Variants in IQSEC1 observed in about 807,000 individuals in gnomAD.
IQSEC1 encodes the protein IQ motif and SEC7 domain-containing protein 1.
A neutral mutation model predicts 91.0 loss-of-function variants in IQSEC1; 31 were observed. The observed-to-expected ratio is 0.34, with a 90% CI of 0.26 to 0.46. The LOEUF is 0.46. Ranked by LOEUF, IQSEC1 falls within the 20% of genes least tolerant of loss-of-function variation. The probability of loss-of-function intolerance (pLI) is 1.00; values close to 1 mark genes in which losing one functional copy is unlikely to be tolerated. For missense variants in IQSEC1, 1,388 were observed against 1,575.6 expected (o/e 0.88, Z 2.02); for synonymous variants, 699 against 662.6 (o/e 1.05, Z -0.84).
At chr3:13,020,706 A>G (rs1703358983) in intron 1 of IQSEC1, among the ~76,000 whole-genome samples, 1 of 152,112 alleles carries the variant, frequency 6.6e-6, no homozygotes, top group Admixed American at 6.5e-5. Context: ...TGTGTTGCTC[A>G]GGCTGGAGTG....
intron 2 of IQSEC1, among the ~76,000 whole-genome samples, chr3:13,148,850 G>A (rs1247246678): frequency 6.6e-6 from 1 of 152,402 alleles, no homozygotes; most frequent in South Asian, 2.1e-4. Context: ...AAGGGGCTGA[G>A]AATGCAGCCC....
chr3:13,056,454 T>C (rs1254948379), intron 1 of IQSEC1, among the ~76,000 whole-genome samples: 46 of 152,042 alleles, frequency 3.0e-4, no homozygotes, highest in Non-Finnish European at 2.9e-5. Flanking sequence ...ACCCTTCAGG[T>C]GCTGACAGGA....
At position 12,898,541 on chromosome 3, in the gene IQSEC1, A is replaced by G. The variant is rs1008677007; in HGVS notation, c.*2442T>C. 1 of 152,016 alleles carries G rather than the reference A, an allele frequency of 6.6e-6. No homozygotes were observed. Among genetic ancestry groups the G allele is most frequent in the Non-Finnish European group, 1.5e-5 (1 of 67,992 alleles). The allele number at this position is 152,016 out of a possible 1,614,324, so 9.4% of individuals were successfully genotyped here. On this transcript the variant is annotated 3_prime_UTR_variant, in exon 14 of 14. Coordinates refer to ENST00000613206, the MANE Select transcript of IQSEC1 (RefSeq NM_001134382.3). Reference sequence around the variant, plus strand: ...TTGCAGGATGGCGATGGAGAGGGAGAGTTTCCTGAAAGCCCCTCCTGGGGT... The same window carrying G: ...TTGCAGGATGGCGATGGAGAGGGAGGGTTTCCTGAAAGCCCCTCCTGGGGT...
chr3:12,925,152 C>T (rs1219742736), intron 3 of IQSEC1, among the ~76,000 whole-genome samples: 3 of 152,196 alleles, frequency 2.0e-5, no homozygotes, highest in Non-Finnish European at 2.9e-5. Flanking sequence ...CCCAAACTCC[C>T]GCACACACAT....
At chr3:13,110,424 A>C (rs1297679142) in intron 2 of IQSEC1, among the ~76,000 whole-genome samples, 1 of 151,976 alleles carries the variant, frequency 6.6e-6, no homozygotes, top group Non-Finnish European at 1.5e-5. Flanking sequence ...TCCCGTCTCT[A>C]CTAAAAATAC....
chr3:13,106,239 G>C (rs934293533), intron 2 of IQSEC1, among the ~76,000 whole-genome samples: 1 of 152,038 alleles, frequency 6.6e-6, no homozygotes, highest in East Asian at 1.9e-4. Flanking sequence ...AAGCCTCCCC[G>C]TTTCCCCTCC....
intron 1 of IQSEC1, among the ~76,000 whole-genome samples, chr3:13,205,152 G>T (rs1694320791): frequency 2.0e-5 from 3 of 152,034 alleles, no homozygotes; most frequent in African/African-American, 7.3e-5. Flanking sequence ...GTGCTGACTT[G>T]GTACTGCTAC....
intron 1 of IQSEC1, among the ~76,000 whole-genome samples, chr3:13,046,677 C>T (rs1358822478): frequency 6.6e-6 from 1 of 152,228 alleles, no homozygotes; most frequent in African/African-American, 2.4e-5. Context: ...GGCCCGGCCA[C>T]ATCCACCCTC....
In IQSEC1 at chr3:12,924,815, C is replaced by G. The variant is rs943196768; in HGVS notation, c.1569-73G>C. On this transcript the variant is annotated intron_variant, in intron 3 of 13. Transcript: ENST00000613206. This position sits in a 1 kb window ranked among gnomAD's most constrained non-coding sequence, Gnocchi z 6.3. ...GCCAGGCACCTGGAGGGGATCTCCGCTCAGTGGACGGTCGACATTCTCCCT... is the reference window on the plus strand; with the variant it reads ...GCCAGGCACCTGGAGGGGATCTCCGGTCAGTGGACGGTCGACATTCTCCCT... 10 of 1,402,120 alleles carry G rather than the reference C, an allele frequency of 7.1e-6. No homozygotes were observed. The African/African-American group carries it at 1.5e-4, about 20-fold the overall frequency. 86.9% of individuals were successfully genotyped at this position (1,402,120 alleles called of 1,614,324 possible). A position where few individuals can be genotyped will look rare whatever the true frequency, so the allele number is the denominator to read the frequency against.
At chr3:13,232,358 C>T (rs767864407) in intron 1 of IQSEC1, among the ~76,000 whole-genome samples, 1 of 152,236 alleles carries the variant, frequency 6.6e-6, no homozygotes, top group Non-Finnish European at 1.5e-5. Flanking sequence ...GAAGGGGGTC[C>T]ACTGCCCCCA....
intron 1 of IQSEC1, among the ~76,000 whole-genome samples, chr3:13,172,263 G>T (rs1420540198): frequency 6.6e-6 from 1 of 152,240 alleles, no homozygotes; most frequent in African/African-American, 2.4e-5. Context: ...TTTGCGGCTG[G>T]GGAGTAGATG....
chr3:13,052,974 C>A, intron 1 of IQSEC1: 2 of 1,172,056 alleles, frequency 1.7e-6, no homozygotes, highest in Non-Finnish European at 1.3e-6. Flanking sequence ...TCTTTATAGA[C>A]CCAGCTTGGT....
intron 5 of IQSEC1, among the ~76,000 whole-genome samples, chr3:12,920,994 A>G (rs189517681): frequency 1.3e-5 from 2 of 152,262 alleles, no homozygotes; most frequent in East Asian, 1.9e-4. Flanking sequence ...TTGAGGTGAA[A>G]GCAGCCAGGG....
chr3:13,167,576 G>A (rs570559529), intron 1 of IQSEC1, among the ~76,000 whole-genome samples: 7 of 152,262 alleles, frequency 4.6e-5, no homozygotes, highest in African/African-American at 1.2e-4. Flanking sequence ...ACAGGTGGAC[G>A]TCAGCCTGGT....
chr3:12,899,242 C>T lies in IQSEC1; in HGVS notation c.*1741G>A. The T allele has an allele frequency of 1.2e-6, 1 of 859,150 alleles. No individual in the cohort carries two copies. Among genetic ancestry groups the T allele is most frequent in the South Asian group, 1.7e-5 (1 of 57,712 alleles). The allele number at this position is 859,150 out of a possible 1,614,324, so 53.2% of individuals were successfully genotyped here. On this transcript the variant is annotated 3_prime_UTR_variant, in exon 14 of 14. Transcript: ENST00000613206. ...GTGACACACAGCCAGAGGGGGCTCC[C>T]CTCTCCTCCTGCCGTCCGGCCACGG...
rs564610801 is a variant in IQSEC1, at chr3:12,927,530, C to T, written c.1569-2788G>A. 3.9e-5 allele frequency among the ~76,000 whole-genome samples: 6 copies of T among 152,356 alleles called. No homozygotes were observed. The East Asian group carries it at 9.7e-4, about 25-fold the overall frequency. On this transcript the variant is annotated intron_variant, in intron 3 of 13. Coordinates refer to ENST00000613206, the MANE Select transcript of IQSEC1 (RefSeq NM_001134382.3). The stretch of plus-strand genomic sequence containing the variant: ...ACCAGGTCCAGGCCCAGCCGGGTCC[C>T]GCCTTCTGCCGCTGCTCTTTTTTTG...
intron 1 of IQSEC1, among the ~76,000 whole-genome samples, chr3:13,269,558 T>C (rs1015733082): frequency 4.6e-5 from 7 of 152,016 alleles, no homozygotes; most frequent in Non-Finnish European, 1.0e-4. Context: ...CCAAGCCAGG[T>C]TGTGGGGGGC....
chr3:13,127,702 G>A (rs1341403806), intron 2 of IQSEC1, among the ~76,000 whole-genome samples: 3 of 152,118 alleles, frequency 2.0e-5, no homozygotes, highest in Non-Finnish European at 2.9e-5. Context: ...ATTCTGATAG[G>A]AACTGCATTA....
At chr3:13,099,310 T>C (rs1003667918) in intron 2 of IQSEC1, among the ~76,000 whole-genome samples, 1 of 152,224 alleles carries the variant, frequency 6.6e-6, no homozygotes, top group African/African-American at 2.4e-5. Flanking sequence ...TGGTGGGGCA[T>C]GGGCAAATGA....
Sources: allele counts gnomAD v4.1 joint callset (sites outside exome capture counted in the v4.1 genomes callset), GRCh38; gene constraint gnomAD v4.1.1; non-coding constraint Gnocchi (gnomAD v3.1); transcripts MANE v1.5; gene names NCBI Gene and HGNC (gene_info 2026-07-23, HGNC 2026-07-21).